The following TSPAN7 variants were observed in gnomAD, a reference collection of about 807,000 sequenced individuals.
The protein encoded by TSPAN7 is tetraspanin 7.
In TSPAN7, 1 loss-of-function variant was observed where a neutral mutation model predicts 17.6. The observed-to-expected ratio is 0.06, with a 90% CI of 0.02 to 0.27. The LOEUF (loss-of-function observed/expected upper bound fraction) is 0.27, where lower values mean the gene tolerates loss of function less well. Among genes scored for constraint, TSPAN7 ranks in the 10% least tolerant of loss-of-function variants. The probability of loss-of-function intolerance (pLI) is 1.00; values close to 1 mark genes in which losing one functional copy is unlikely to be tolerated. For synonymous variants in TSPAN7, 78 were observed against 79.0 expected, an observed-to-expected ratio of 0.99 and a Z score of 0.07; for missense variants, 112 against 201.7, an observed-to-expected ratio of 0.56 and a Z score of 2.69.
In TSPAN7 at chrX:38,569,366, C is replaced by T. The variant is rs139254763; in HGVS notation, c.81+7739C>T. On this transcript the variant is annotated intron_variant, in intron 1 of 7. Coordinates refer to ENST00000378482, the MANE Select transcript of TSPAN7 (RefSeq NM_004615.4). Reference sequence around the variant, plus strand: ...TAAACCTTTGCTTAAGCTCCTGTTTCCAGTGTAGAATCCATGTCCACTGTG... The same window carrying T: ...TAAACCTTTGCTTAAGCTCCTGTTTTCAGTGTAGAATCCATGTCCACTGTG... Among the ~76,000 whole-genome samples the T allele has an allele frequency of 9.2e-3, 1,014 of 109,815 alleles. 9 individuals are homozygous for T. The highest frequency in any genetic ancestry group is 0.032 in the African/African-American group (978 of 30,115).
intron 1 of TSPAN7, among the ~76,000 whole-genome samples, chrX:38,636,654 G>A (rs985485088): frequency 1.8e-5 from 2 of 111,259 alleles, no homozygotes; most frequent in Admixed American, 9.5e-5. Context: ...TGAGGGGTAG[G>A]GCAGGGATTT....
At chrX:38,594,324 A>T (rs1380626023) in intron 1 of TSPAN7, among the ~76,000 whole-genome samples, 1 of 111,251 alleles carries the variant, frequency 9.0e-6, no homozygotes, top group East Asian at 2.8e-4. Context: ...TTCACTTGTG[A>T]TATAATTAGG....
chrX:38,641,205 T>C (rs1016277024), intron 1 of TSPAN7, among the ~76,000 whole-genome samples: 6 of 112,233 alleles, frequency 5.3e-5, no homozygotes, highest in Admixed American at 9.4e-5. Context: ...CAGCCCCCTC[T>C]CCAAGAATTT....
intron 5 of TSPAN7, among the ~76,000 whole-genome samples, chrX:38,678,584 T>G (rs2069869624): frequency 8.9e-6 from 1 of 112,242 alleles, no homozygotes. Context: ...AATCAGCTCT[T>G]GCAGTATGTG....
intron 1 of TSPAN7, among the ~76,000 whole-genome samples, chrX:38,579,127 A>G (rs2069212918): frequency 8.9e-6 from 1 of 111,855 alleles, no homozygotes; most frequent in African/African-American, 3.3e-5. Context: ...TACTTTCATA[A>G]TGAAGAGAAC....
chrX:38,597,088 T>C lies in TSPAN7; in HGVS notation c.81+35461T>C, dbSNP rs373191265. 5.4e-5 allele frequency among the ~76,000 whole-genome samples: 6 copies of C among 111,247 alleles called. No homozygotes were observed. In the South Asian group the frequency reaches 2.3e-3, roughly 42 times the overall value. Reference sequence around the variant, plus strand: ...GGTAGGACATGATCTCTTGGAAATATAGTCAATTCTCATAATTTGTGGATT... The same window carrying C: ...GGTAGGACATGATCTCTTGGAAATACAGTCAATTCTCATAATTTGTGGATT... On this transcript the variant is annotated intron_variant, in intron 1 of 7. Coordinates refer to ENST00000378482, the MANE Select transcript of TSPAN7 (RefSeq NM_004615.4).
chrX:38,662,999 A>G (rs1386290542), intron 1 of TSPAN7, among the ~76,000 whole-genome samples: 2 of 110,840 alleles, frequency 1.8e-5, no homozygotes, highest in Non-Finnish European at 3.8e-5. Context: ...GCAAACTTAT[A>G]AAGACCACCA....
At chrX:38,644,743 G>T (rs776752305) in intron 1 of TSPAN7, among the ~76,000 whole-genome samples, 4 of 112,304 alleles carry the variant, frequency 3.6e-5, no homozygotes, top group Non-Finnish European at 7.5e-5. Context: ...AGATGATATT[G>T]ATGAAGATAG....
chrX:38,643,144 C>T (rs17145089), intron 1 of TSPAN7, among the ~76,000 whole-genome samples: 1,261 of 110,552 alleles, frequency 0.011, 17 homozygotes, highest in African/African-American at 0.04. Context: ...ATTGTTGCAG[C>T]GTCAGGTTTG....
At chrX:38,561,778 C>T in intron 1 of TSPAN7, 151 bp downstream of exon 1, 1 of 473,698 alleles carries the variant, frequency 2.1e-6, no homozygotes, top group Non-Finnish European at 3.5e-6. Flanking sequence ...TGGGTCGGGG[C>T]TGCAGGATGG....
intron 1 of TSPAN7, among the ~76,000 whole-genome samples, chrX:38,648,261 ATGATTATAT>A (rs1462162208): frequency 8.9e-6 from 1 of 112,113 alleles, no homozygotes. Flanking sequence ...ACTGTCTCTA[ATGATTATAT>A]AATAACATTT....
At chrX:38,635,888 T>C (rs2069577637) in intron 1 of TSPAN7, among the ~76,000 whole-genome samples, 1 of 111,191 alleles carries the variant, frequency 9.0e-6, no homozygotes, top group African/African-American at 3.3e-5. Context: ...CCAGTTGAGG[T>C]AGGCCATGGT....
At chrX:38,599,676 T>C (rs1283766755) in intron 1 of TSPAN7, among the ~76,000 whole-genome samples, 1 of 111,241 alleles carries the variant, frequency 9.0e-6, no homozygotes, top group African/African-American at 3.3e-5. Flanking sequence ...AGTGCTTGTA[T>C]TAGCTTGCCC....
intron 1 of TSPAN7, among the ~76,000 whole-genome samples, chrX:38,600,301 T>A (rs1470753439): frequency 4.5e-5 from 5 of 111,714 alleles, no homozygotes; most frequent in Non-Finnish European, 7.5e-5. Context: ...GATAGATATT[T>A]GGGTGAGCTG....
In TSPAN7 at chrX:38,639,252, G is replaced by A. The variant is rs116610092; in HGVS notation, c.82-26869G>A. Among the ~76,000 whole-genome samples the A allele has an allele frequency of 9.7e-3, 1,059 of 109,645 alleles. 17 individuals carry two copies. Among genetic ancestry groups the A allele is most frequent in the African/African-American group, 0.034 (1,019 of 30,008 alleles). On this transcript the variant is annotated intron_variant, in intron 1 of 7. Transcript: ENST00000378482. Reference sequence around the variant, plus strand: ...ATCTGATCCTTGTAACAGCCCCCCTGAGGTGTCTGTTGTCATCCCCCTTTT... The same window carrying A: ...ATCTGATCCTTGTAACAGCCCCCCTAAGGTGTCTGTTGTCATCCCCCTTTT...
chrX:38,583,114 G>A (rs2069236296), intron 1 of TSPAN7, among the ~76,000 whole-genome samples: 1 of 112,221 alleles, frequency 8.9e-6, no homozygotes, highest in African/African-American at 3.2e-5. Flanking sequence ...GTAGTTTCAT[G>A]TTATCTACAA....
At chrX:38,595,703 CTA>C (rs1232619916) in intron 1 of TSPAN7, among the ~76,000 whole-genome samples, 1 of 111,777 alleles carries the variant, frequency 8.9e-6, no homozygotes, top group Non-Finnish European at 1.9e-5. Flanking sequence ...GTGAAGAACC[CTA>C]TGTTTGGTTT....
chrX:38,565,890 T>C (rs185145873), intron 1 of TSPAN7, among the ~76,000 whole-genome samples: 2 of 111,629 alleles, frequency 1.8e-5, no homozygotes, highest in Admixed American at 1.9e-4. Flanking sequence ...TTTTTGGCCA[T>C]AGCTGGAGGG....
intron 1 of TSPAN7, among the ~76,000 whole-genome samples, chrX:38,615,020 C>G (rs923378534): frequency 1.8e-5 from 2 of 110,387 alleles, no homozygotes; most frequent in Non-Finnish European, 3.8e-5. Context: ...CTTTGTCAAA[C>G]CAAATTGTTC....
Sources: allele counts gnomAD v4.1 joint callset (sites outside exome capture counted in the v4.1 genomes callset), GRCh38; gene constraint gnomAD v4.1.1; transcripts MANE v1.5; gene names NCBI Gene and HGNC (gene_info 2026-07-23, HGNC 2026-07-21).